TASP1: variants seen among roughly 807,000 people sequenced by gnomAD.
TASP1 encodes taspase 1.
Under a neutral mutation model 56.6 loss-of-function variants are expected in TASP1, and 16 were observed. That is an observed-to-expected ratio of 0.28 (90% confidence interval 0.19 to 0.43). The LOEUF (loss-of-function observed/expected upper bound fraction) is 0.43. Among genes scored for constraint, TASP1 ranks in the 20% least tolerant of loss-of-function variants. The pLI is 1.00. For missense variants in TASP1, 393 were observed against 511.6 expected, an observed-to-expected ratio of 0.77 and a Z score of 2.24; for synonymous variants, 179 against 184.2, an observed-to-expected ratio of 0.97 and a Z score of 0.23.
intron 13 of TASP1, among the ~76,000 whole-genome samples, chr20:13,398,097 G>T (rs918823052): frequency 3.3e-5 from 5 of 152,058 alleles, no homozygotes; most frequent in Admixed American, 6.5e-5. Flanking sequence ...GAAATGAAAG[G>T]CTAACACTTA....
chr20:13,394,318 A>AAAAAAGAAAAAAAAAAAAAAG (rs1568741088), intron 13 of TASP1, among the ~76,000 whole-genome samples: 1 of 146,522 alleles, frequency 6.8e-6, no homozygotes, highest in African/African-American at 2.6e-5. Context: ...AAAAAAAAAA[A>AAAAAAGAAAAAAAAAAAAAAG]AAAAAAAAAA....
chr20:13,142,930 CTT>C, the TASP1 span, among the ~76,000 whole-genome samples: 1 of 152,164 alleles, frequency 6.6e-6, no homozygotes, highest in Non-Finnish European at 1.5e-5. Context: ...CTTTGAATCT[CTT>C]TTAAAACTTC....
the TASP1 span, among the ~76,000 whole-genome samples, chr20:13,375,742 T>G: frequency 6.6e-6 from 1 of 152,172 alleles, no homozygotes; most frequent in African/African-American, 2.4e-5. Flanking sequence ...TTCTCCAGCA[T>G]CTGTTGTTTC....
At chr20:13,151,292 T>C in the TASP1 span, among the ~76,000 whole-genome samples, 1 of 152,192 alleles carries the variant, frequency 6.6e-6, no homozygotes, top group Non-Finnish European at 1.5e-5. Context: ...GAAGATCTGG[T>C]TTGTTTAATT....
intron 11 of TASP1, among the ~76,000 whole-genome samples, chr20:13,469,361 C>G (rs2146408699): frequency 6.6e-6 from 1 of 152,220 alleles, no homozygotes; most frequent in African/African-American, 2.4e-5. Context: ...GGCTTTCTTG[C>G]AAACAGGAAA....
At chr20:13,594,918 T>G (rs928618879) in intron 4 of TASP1, among the ~76,000 whole-genome samples, 4 of 151,844 alleles carry the variant, frequency 2.6e-5, no homozygotes, top group African/African-American at 9.7e-5. Context: ...CCAAGACACA[T>G]AATTGTCAGA....
chr20:13,161,547 A>C, the TASP1 span, among the ~76,000 whole-genome samples: 1 of 152,196 alleles, frequency 6.6e-6, no homozygotes, highest in Non-Finnish European at 1.5e-5. Flanking sequence ...ACCCAGACTT[A>C]CATGGAACTA....
intron 11 of TASP1, among the ~76,000 whole-genome samples, chr20:13,461,868 C>A (rs1257967149): frequency 6.6e-6 from 1 of 152,120 alleles, no homozygotes; most frequent in Non-Finnish European, 1.5e-5. Flanking sequence ...TCATCTAGTC[C>A]AACCCCTGAG....
At chr20:13,486,115 T>C (rs573281195) in intron 10 of TASP1, among the ~76,000 whole-genome samples, 1 of 152,264 alleles carries the variant, frequency 6.6e-6, no homozygotes, top group African/African-American at 2.4e-5. Context: ...CTCCTGTAGG[T>C]TCCAATCAAA....
the TASP1 span, among the ~76,000 whole-genome samples, chr20:13,322,031 T>C: frequency 6.6e-6 from 1 of 152,214 alleles, no homozygotes. Context: ...TTATGGAAAT[T>C]GTGCATGTGT....
intron 8 of TASP1, among the ~76,000 whole-genome samples, chr20:13,557,096 G>A (rs998362455): frequency 3.3e-5 from 5 of 152,074 alleles, no homozygotes; most frequent in Admixed American, 2.0e-4. Context: ...TCCATGAGAT[G>A]CAGTGAAACT....
At chr20:13,147,020 G>A in the TASP1 span, among the ~76,000 whole-genome samples, 2 of 152,182 alleles carry the variant, frequency 1.3e-5, no homozygotes, top group African/African-American at 4.8e-5. Context: ...CTTGCTTGGG[G>A]ATTAAATAGC....
the TASP1 span, among the ~76,000 whole-genome samples, chr20:13,184,560 T>C: frequency 6.6e-6 from 1 of 152,212 alleles, no homozygotes; most frequent in African/African-American, 2.4e-5. Flanking sequence ...ATTGTTAGTC[T>C]TAATTATTTC....
intron 12 of TASP1, among the ~76,000 whole-genome samples, chr20:13,434,615 C>T (rs374719288): frequency 3.3e-5 from 5 of 152,252 alleles, no homozygotes; most frequent in East Asian, 1.9e-4. Flanking sequence ...TCATGGTTAA[C>T]GAGCCACGGA....
At chr20:13,194,774 T>C in the TASP1 span, among the ~76,000 whole-genome samples, 3 of 152,288 alleles carry the variant, frequency 2.0e-5, no homozygotes, top group Admixed American at 2.0e-4. Context: ...TGCTACCATG[T>C]TTCACCCTGT....
chr20:13,423,842 T>C (rs2146109795), intron 12 of TASP1, among the ~76,000 whole-genome samples: 1 of 152,350 alleles, frequency 6.6e-6, no homozygotes, highest in South Asian at 2.1e-4. Context: ...AAGAATTTCT[T>C]CCCTGTTTAG....
chr20:13,226,318 A>G, the TASP1 span, among the ~76,000 whole-genome samples: 1 of 152,160 alleles, frequency 6.6e-6, no homozygotes, highest in Non-Finnish European at 1.5e-5. Flanking sequence ...AGCATAATTT[A>G]TCTGTACTTA....
At chr20:13,267,981 T>C in the TASP1 span, among the ~76,000 whole-genome samples, 1 of 152,212 alleles carries the variant, frequency 6.6e-6, no homozygotes, top group Non-Finnish European at 1.5e-5. Flanking sequence ...CTCCCTAATG[T>C]TGTTGGAGAA....
At chr20:13,106,902 G>T in the TASP1 span, among the ~76,000 whole-genome samples, 1 of 152,168 alleles carries the variant, frequency 6.6e-6, no homozygotes, top group African/African-American at 2.4e-5. Flanking sequence ...AAGTCACTTG[G>T]CTGAACCCAA....
Sources: gnomAD v4.1 joint callset for allele counts (sites outside exome capture counted in the v4.1 genomes callset) on GRCh38, gnomAD v4.1.1 for gene constraint, MANE v1.5 for transcripts, NCBI Gene and HGNC (gene_info 2026-07-23, HGNC 2026-07-21) for gene names.